Variants in HHIPL1 observed in about 807,000 individuals in gnomAD.
HHIPL1 encodes HHIP-like protein 1.
A neutral mutation model predicts 61.8 loss-of-function variants in HHIPL1; 43 were observed. The ratio of observed to expected loss-of-function variants is 0.70; its 90% CI spans 0.55 to 0.90. The LOEUF (loss-of-function observed/expected upper bound fraction) is 0.90, where lower values mean the gene tolerates loss of function less well. Ranked by LOEUF, HHIPL1 falls within the 40% of genes least tolerant of loss-of-function variation. The probability of loss-of-function intolerance (pLI) is 0.00; values close to 1 mark genes in which losing one functional copy is unlikely to be tolerated. For synonymous variants in HHIPL1, 482 were observed against 515.8 expected (o/e 0.93, Z 0.89); for missense variants, 1,056 against 1,157.7 (o/e 0.91, Z 1.28).
chr14:99,625,037 CGCGTGGG>C, the HHIPL1 span: 1 of 152,228 alleles, frequency 6.6e-6, no homozygotes, highest in Non-Finnish European at 1.5e-5. Flanking sequence ...GGTGAAGCAG[CGCGTGGG>C]CTGATGACTG....
Position 99,656,890 on chromosome 14 carries a change from AGGAAG to A in HHIPL1, c.903-108_903-104del, listed in dbSNP as rs1157282134. ...AAGGAAGGAAGGAAGGAAGGAAGGA[AGGAAG>A]GTCTTTTCCATTGTGAAATGACATC... On this transcript the variant is annotated intron_variant, in intron 2 of 8. Coordinates refer to ENST00000330710, the MANE Select transcript of HHIPL1 (RefSeq NM_001127258.3). The A allele has an allele frequency of 3.9e-5, 9 of 229,762 alleles. 3 individuals carry two copies. The highest frequency in any genetic ancestry group is 1.7e-4 in the East Asian group (2 of 11,444). The allele number at this position is 229,762 out of a possible 1,614,324, so 14.2% of individuals were successfully genotyped here. A position where few individuals can be genotyped will look rare whatever the true frequency, so the allele number is the denominator to read the frequency against.
Position 99,645,317 on chromosome 14 carries a change from G to A in HHIPL1, c.110G>A (p.Arg37His), listed in dbSNP as rs1276822915. 2.7e-6 allele frequency: 4 copies of A among 1,455,786 alleles called. No individual in the cohort carries two copies. The highest frequency in any genetic ancestry group is 5.1e-5 in the Admixed American group (2 of 39,312). The allele number at this position is 1,455,786 out of a possible 1,614,324, so 90.2% of individuals were successfully genotyped here. A position where few individuals can be genotyped will look rare whatever the true frequency, so the allele number is the denominator to read the frequency against. The change falls in exon 1 of 9, where the codon CGC becomes CAC. Residue 37 changes from arginine to histidine, a missense_variant. Physicochemically the swap from Arg to His is conservative, Grantham distance 29. Transcript: ENST00000330710. The part of the protein sequence containing the change: ...RPPFRPTQPL[R>H]LCAQYSDFGC... ...CCCTTCCGGCCGACGCAGCCGCTGC[G>A]CCTCTGCGCGCAGTACTCGGACTTC...
intron 7 of HHIPL1, chr14:99,669,194 T>G: frequency 8.0e-7 from 1 of 1,249,204 alleles, no homozygotes; most frequent in East Asian, 3.2e-5. Context: ...CTCTTCACTC[T>G]GCAGAGGCCG....
chr14:99,637,174 A>G, the HHIPL1 span, among the ~76,000 whole-genome samples: 7 of 143,226 alleles, frequency 4.9e-5, no homozygotes, highest in Admixed American at 1.4e-4. Flanking sequence ...AAGAAAAAGA[A>G]AGAAAGAAAG....
intron 1 of HHIPL1, among the ~76,000 whole-genome samples, chr14:99,649,954 G>A (rs2055899670): frequency 6.6e-6 from 1 of 152,236 alleles, no homozygotes; most frequent in Admixed American, 6.5e-5. Flanking sequence ...ACACACGGCG[G>A]CCTGAGGCCT....
chr14:99,624,450 G>A, the HHIPL1 span, among the ~76,000 whole-genome samples: 2 of 152,176 alleles, frequency 1.3e-5, no homozygotes, highest in Admixed American at 1.3e-4. Context: ...CTCAGGAAGG[G>A]GCAAGACTGT....
rs10139550 is a variant in HHIPL1, at chr14:99,679,373, C to G, written c.*3747C>G. 0.39 allele frequency: 59,949 copies of G among 152,408 alleles called. 12,069 individuals are homozygous for G. Among genetic ancestry groups the G allele is most frequent in the Middle Eastern group, 0.48 (140 of 294 alleles). The allele number at this position is 152,408 out of a possible 1,614,324, so 9.4% of individuals were successfully genotyped here. ...GGGGGCACAGCCTTCACCCTCACCCCCTCTAATCCAACCTCTAGTCAATAG... is the reference window on the plus strand; with the variant it reads ...GGGGGCACAGCCTTCACCCTCACCCGCTCTAATCCAACCTCTAGTCAATAG... On this transcript the variant is annotated 3_prime_UTR_variant, in exon 9 of 9. Transcript: ENST00000330710.
chr14:99,606,584 CT>C, the HHIPL1 span, among the ~76,000 whole-genome samples: 1 of 152,244 alleles, frequency 6.6e-6, no homozygotes, highest in African/African-American at 2.4e-5. Flanking sequence ...TCTCTGCCCC[CT>C]GATCCTCCAG....
chr14:99,638,642 G>A, the HHIPL1 span, among the ~76,000 whole-genome samples: 1 of 152,208 alleles, frequency 6.6e-6, no homozygotes, highest in Non-Finnish European at 1.5e-5. Flanking sequence ...CAAGAGATAG[G>A]GAAACAGAGG....
rs2056106696 is a variant in HHIPL1 at position 99,659,500 on chromosome 14, G to GC, written c.1122dup (p.Asp375ArgfsTer86). 1 of 1,539,884 alleles carries GC rather than the reference G, an allele frequency of 6.5e-7. No individual in the cohort carries two copies. On this transcript the variant is annotated frameshift_variant, in exon 4 of 9. Transcript: ENST00000330710. LOFTEE classifies it high-confidence loss of function. ...AGCGCGGCCTGCCCTACGGCATCCC[G>GC]CCCGACAACCCGTTCGTGGGCGACC...
intron 1 of HHIPL1, among the ~76,000 whole-genome samples, chr14:99,648,527 A>T (rs946185286): frequency 1.3e-5 from 2 of 152,200 alleles, no homozygotes; most frequent in Non-Finnish European, 2.9e-5. Flanking sequence ...GTGGACAGAC[A>T]TGCAAAGAGA....
the HHIPL1 span, among the ~76,000 whole-genome samples, chr14:99,617,595 C>T: frequency 3.3e-5 from 5 of 152,118 alleles, no homozygotes; most frequent in Non-Finnish European, 5.9e-5. Context: ...ATTGCTTTTA[C>T]CCTAAGAGCA....
chr14:99,659,819 T>C, intron 4 of HHIPL1, 63 bp downstream of exon 4: 2 of 685,756 alleles, frequency 2.9e-6, no homozygotes, highest in Non-Finnish European at 3.7e-6. Context: ...CCACCTGCTG[T>C]GCCGCAGGGC....
chr14:99,652,141 G>A, intron 1 of HHIPL1, 83 bp from the exon 2 acceptor site: 1 of 1,320,508 alleles, frequency 7.6e-7, no homozygotes. Context: ...CTGAGGCTCT[G>A]AGAGATGGGG....
intron 6 of HHIPL1, among the ~76,000 whole-genome samples, chr14:99,663,866 TC>T (rs1301410510): frequency 2.6e-5 from 4 of 152,254 alleles, no homozygotes; most frequent in South Asian, 2.1e-4. Context: ...CCAGGAAGGA[TC>T]TGGAATGTTG....
At chr14:99,630,163 C>A in the HHIPL1 span, among the ~76,000 whole-genome samples, 1 of 152,186 alleles carries the variant, frequency 6.6e-6, no homozygotes, top group Non-Finnish European at 1.5e-5. Context: ...ATGGATTCAG[C>A]CCCGGAGGAG....
At chr14:99,659,241 TG>T (rs1277871733) in intron 3 of HHIPL1, among the ~76,000 whole-genome samples, 186 bp from the exon 4 acceptor site, 3 of 152,068 alleles carry the variant, frequency 2.0e-5, no homozygotes, top group Non-Finnish European at 4.4e-5. Flanking sequence ...GCATGTTGAG[TG>T]AATGAATGGT....
chr14:99,672,507 C>T (rs564692766), intron 8 of HHIPL1, 108 bp downstream of exon 8: 9 of 852,824 alleles, frequency 1.1e-5, no homozygotes, highest in Admixed American at 1.0e-4. Flanking sequence ...CTAGATGCCC[C>T]TCTTCAGCCC....
intron 2 of HHIPL1, among the ~76,000 whole-genome samples, chr14:99,654,992 T>C (rs1440828718): frequency 6.6e-6 from 1 of 152,198 alleles, no homozygotes; most frequent in Non-Finnish European, 1.5e-5. Flanking sequence ...AAAGGTCCTC[T>C]GGTGACCTCA....
Sources: gnomAD v4.1 joint callset for allele counts (sites outside exome capture counted in the v4.1 genomes callset) on GRCh38, gnomAD v4.1.1 for gene constraint, MANE v1.5 for transcripts, NCBI Gene and HGNC (gene_info 2026-07-23, HGNC 2026-07-21) for gene names.